Variants in CTNNA2 observed in about 807,000 individuals in gnomAD.
CTNNA2 encodes catenin alpha-2.
In CTNNA2, 42 loss-of-function variants were observed where a neutral mutation model predicts 101.0. The ratio of observed to expected loss-of-function variants is 0.42; its 90% confidence interval spans 0.32 to 0.54. The LOEUF is 0.54. Among genes scored for constraint, CTNNA2 ranks in the 20% least tolerant of loss-of-function variants. CTNNA2 has a pLI of 0.14. For synonymous variants in CTNNA2, 450 were observed against 456.4 expected, an observed-to-expected ratio of 0.99 and a Z score of 0.18; for missense variants, 871 against 1,223.1, an observed-to-expected ratio of 0.71 and a Z score of 4.29.
intron 4 of CTNNA2, among the ~76,000 whole-genome samples, chr2:79,501,860 G>T (rs1314021300): frequency 6.6e-6 from 1 of 152,080 alleles, no homozygotes; most frequent in Non-Finnish European, 1.5e-5. Flanking sequence ...TTTGAAATAG[G>T]GATATTTGGG....
chr2:79,574,897 A>T (rs190565011), intron 1 of CTNNA2, among the ~76,000 whole-genome samples: 3 of 152,272 alleles, frequency 2.0e-5, no homozygotes, highest in Admixed American at 2.0e-4. Context: ...ACTTTGTAAT[A>T]ATAGCCATTC....
chr2:80,040,640 G>T (rs990476154), intron 7 of CTNNA2, among the ~76,000 whole-genome samples: 1 of 152,164 alleles, frequency 6.6e-6, no homozygotes, highest in Non-Finnish European at 1.5e-5. Flanking sequence ...GCATAATACT[G>T]CATCCCAAAG....
intron 4 of CTNNA2, among the ~76,000 whole-genome samples, chr2:79,396,056 C>A (rs1678226320): frequency 6.6e-6 from 1 of 152,146 alleles, no homozygotes; most frequent in African/African-American, 2.4e-5. Flanking sequence ...AGTATACATG[C>A]AGGAATTCTG....
intron 2 of CTNNA2, among the ~76,000 whole-genome samples, chr2:79,222,881 C>T (rs1674362906): frequency 6.6e-6 from 1 of 152,044 alleles, no homozygotes; most frequent in Non-Finnish European, 1.5e-5. Context: ...AACACAGTGG[C>T]TCTCATCTGT....
chr2:79,460,119 A>G (rs1263063508), intron 4 of CTNNA2, among the ~76,000 whole-genome samples: 2 of 152,092 alleles, frequency 1.3e-5, no homozygotes, highest in African/African-American at 4.8e-5. Context: ...TCTCTCTAAA[A>G]TTCTAGACCA....
intron 7 of CTNNA2, among the ~76,000 whole-genome samples, chr2:80,115,417 G>A (rs1373490006): frequency 1.3e-5 from 2 of 152,202 alleles, no homozygotes; most frequent in African/African-American, 2.4e-5. Context: ...GTGAAGAAAT[G>A]GAGGTAGACA....
chr2:80,023,985 G>A (rs1694757220), intron 7 of CTNNA2, among the ~76,000 whole-genome samples: 1 of 151,898 alleles, frequency 6.6e-6, no homozygotes, highest in Non-Finnish European at 1.5e-5. Context: ...TACTCAGGAG[G>A]CCGAGGCGGG....
At chr2:79,735,090 A>G (rs779430378) in intron 2 of CTNNA2, among the ~76,000 whole-genome samples, 24 of 152,074 alleles carry the variant, frequency 1.6e-4, no homozygotes, top group Non-Finnish European at 2.5e-4. Context: ...GGTGAGAGAG[A>G]GATGGACTGA....
intron 7 of CTNNA2, among the ~76,000 whole-genome samples, chr2:80,194,730 T>C (rs2149003914): frequency 6.7e-6 from 1 of 149,844 alleles, no homozygotes. Context: ...TATACATACT[T>C]ATTAATATTA....
chr2:80,592,910 G>A (rs966331540), intron 15 of CTNNA2, among the ~76,000 whole-genome samples: 3 of 152,174 alleles, frequency 2.0e-5, no homozygotes, highest in Non-Finnish European at 4.4e-5. Context: ...CATAAATGGT[G>A]ATGTGACAGC....
chr2:79,187,310 C>T (rs558961355), intron 1 of CTNNA2, among the ~76,000 whole-genome samples: 8 of 124,356 alleles, frequency 6.4e-5, no homozygotes, highest in South Asian at 2.5e-4. Flanking sequence ...CACTCTGTCG[C>T]GCAGGCTGGA....
At chr2:80,420,155 T>C (rs1035285850) in intron 9 of CTNNA2, among the ~76,000 whole-genome samples, 1 of 151,938 alleles carries the variant, frequency 6.6e-6, no homozygotes, top group Non-Finnish European at 1.5e-5. Flanking sequence ...ATTTTATGTG[T>C]TAGAGGAATC....
intron 2 of CTNNA2, among the ~76,000 whole-genome samples, chr2:79,708,558 G>A (rs967195372): frequency 5.3e-5 from 8 of 151,958 alleles, no homozygotes; most frequent in Admixed American, 6.6e-5. Context: ...AAAAAACTAC[G>A]AAATGCTTTA....
chr2:79,840,684 G>T (rs1354570090), intron 3 of CTNNA2, among the ~76,000 whole-genome samples: 1 of 151,862 alleles, frequency 6.6e-6, no homozygotes, highest in Non-Finnish European at 1.5e-5. Context: ...AGCAATCCCA[G>T]TCCCCGGGGA....
chr2:79,744,897 A>T (rs1018224764), intron 3 of CTNNA2, among the ~76,000 whole-genome samples: 3 of 152,338 alleles, frequency 2.0e-5, no homozygotes, highest in African/African-American at 7.2e-5. Context: ...CCTAACGTTT[A>T]TAGAGTCAAT....
At chr2:79,845,707 C>T (rs2103870754) in intron 3 of CTNNA2, among the ~76,000 whole-genome samples, 1 of 152,324 alleles carries the variant, frequency 6.6e-6, no homozygotes, top group East Asian at 1.9e-4. Context: ...TTTGATAGCA[C>T]ATTTTGGCAG....
In CTNNA2 at chr2:79,425,973, T is replaced by C. The variant is rs150157545; in HGVS notation, c.-135+51960T>C. ...TGTTAGCACAGAAAACACTAATGAG[T>C]AGGCTTTTTGATTTTGTGGACCGGC... On this transcript the variant is annotated intron_variant, in intron 4 of 21. Transcript: ENST00000466387. Among the ~76,000 whole-genome samples the C allele has an allele frequency of 4.7e-3, 717 of 152,134 alleles. 12 individuals are homozygous for C. The highest frequency in any genetic ancestry group is 0.025 in the South Asian group (121 of 4,816).
chr2:80,607,198 G>A (rs1022720268), intron 16 of CTNNA2, among the ~76,000 whole-genome samples: 1 of 151,836 alleles, frequency 6.6e-6, no homozygotes. Flanking sequence ...AGATACTTCA[G>A]TTGTGGCTGT....
rs371145278 is a variant in CTNNA2, at chr2:79,816,846, C to CT, written c.299-41162dup. ...GAGAAAACTAGAGAGTTAAAATAGC[C>CT]TTTTTACAGTGGCATACCTAGCTGG... On this transcript the variant is annotated intron_variant, in intron 3 of 18. Transcript: ENST00000402739. 2.7e-3 allele frequency among the ~76,000 whole-genome samples: 412 copies of CT among 152,176 alleles called. 2 individuals are homozygous for CT. Among genetic ancestry groups the CT allele is most frequent in the African/African-American group, 9.5e-3 (396 of 41,534 alleles).
Sources: gnomAD v4.1 joint callset for allele counts (sites outside exome capture counted in the v4.1 genomes callset) on GRCh38, gnomAD v4.1.1 for gene constraint, MANE v1.5 for transcripts, NCBI Gene and HGNC (gene_info 2026-07-23, HGNC 2026-07-21) for gene names.